ADAMTS16: variants seen among roughly 807,000 people sequenced by gnomAD.
ADAMTS16 encodes ADAM metallopeptidase with thrombospondin type 1 motif 16, also known as A disintegrin and metalloproteinase with thrombospondin motifs 16.
In ADAMTS16, 94 loss-of-function variants were observed where a neutral mutation model predicts 145.8. The observed-to-expected ratio is 0.64, with a 90% CI of 0.55 to 0.77. ADAMTS16 has a LOEUF of 0.77. Ranked by LOEUF, ADAMTS16 falls within the 30% of genes least tolerant of loss-of-function variation. ADAMTS16 has a pLI of 0.00. For missense variants in ADAMTS16, 1,585 were observed against 1,591.5 expected (o/e 1.00, Z 0.07); for synonymous variants, 659 against 604.3 (o/e 1.09, Z -1.33).
intron 8 of ADAMTS16, among the ~76,000 whole-genome samples, chr5:5,199,352 T>G (rs1475802563): frequency 6.6e-6 from 1 of 152,322 alleles, no homozygotes; most frequent in South Asian, 2.1e-4. Context: ...TAGCTTGAGA[T>G]GTACCTGTAC....
chr5:5,273,413 C>T (rs953885194), intron 18 of ADAMTS16, among the ~76,000 whole-genome samples: 2 of 152,204 alleles, frequency 1.3e-5, no homozygotes, highest in Non-Finnish European at 2.9e-5. Context: ...CTCTCAACTA[C>T]TTGGGAGGGA....
chr5:5,194,377 C>A (rs1735744009), intron 8 of ADAMTS16, among the ~76,000 whole-genome samples: 1 of 152,152 alleles, frequency 6.6e-6, no homozygotes, highest in East Asian at 1.9e-4. Context: ...CTTCATGGAG[C>A]ACTTTCTGTA....
chr5:5,219,904 C>T (rs182142779), intron 10 of ADAMTS16, among the ~76,000 whole-genome samples: 1 of 152,166 alleles, frequency 6.6e-6, no homozygotes, highest in Non-Finnish European at 1.5e-5. Flanking sequence ...AAAACTAAAA[C>T]CTAAGAATAT....
intron 8 of ADAMTS16, among the ~76,000 whole-genome samples, chr5:5,192,701 T>G (rs1390057016): frequency 6.6e-6 from 1 of 152,232 alleles, no homozygotes; most frequent in Non-Finnish European, 1.5e-5. Flanking sequence ...GGGTCATTAG[T>G]GTTTTCACCT....
Position 5,319,166 on chromosome 5 carries a change from A to T in ADAMTS16, c.*28A>T, listed in dbSNP as rs1014214293. On this transcript the variant is annotated 3_prime_UTR_variant, in exon 23 of 23. Transcript: ENST00000274181. ...TGGGACCGCTCTCCGTAGCAGAGAA[A>T]GTGCCTGCGTGGCACAGAAATTTCC... is the stretch of plus-strand genomic sequence containing the variant. The T allele has an allele frequency of 2.9e-5, 44 of 1,531,816 alleles. No homozygotes were observed. The highest frequency in any genetic ancestry group is 3.4e-5 in the Non-Finnish European group (38 of 1,115,794). The allele number at this position is 1,531,816 out of a possible 1,614,324, so 94.9% of individuals were successfully genotyped here.
chr5:5,147,864 T>C (rs1026212695), intron 3 of ADAMTS16, among the ~76,000 whole-genome samples: 29 of 152,218 alleles, frequency 1.9e-4, no homozygotes, highest in African/African-American at 6.3e-4. Flanking sequence ...TTGTGGAAAT[T>C]GGTGAGGTGC....
chr5:5,146,089 T>A, intron 2 of ADAMTS16, 41 bp from the exon 3 acceptor site: 4 of 1,543,526 alleles, frequency 2.6e-6, no homozygotes, highest in Non-Finnish European at 3.6e-6. Flanking sequence ...CTTCTCGGAA[T>A]TCCGAAATGA....
chr5:5,162,549 C>G (rs1734768456), intron 3 of ADAMTS16, among the ~76,000 whole-genome samples: 1 of 152,196 alleles, frequency 6.6e-6, no homozygotes, highest in Non-Finnish European at 1.5e-5. Flanking sequence ...TGTACAAAGT[C>G]TGTGCTTTTA....
chr5:5,250,835 T>C (rs942693645), intron 17 of ADAMTS16, among the ~76,000 whole-genome samples: 4 of 152,102 alleles, frequency 2.6e-5, no homozygotes, highest in Admixed American at 6.6e-5. Flanking sequence ...CAACAATATA[T>C]AAGATGAATC....
At chr5:5,313,545 C>T (rs1232779476) in intron 21 of ADAMTS16, among the ~76,000 whole-genome samples, 2 of 152,206 alleles carry the variant, frequency 1.3e-5, no homozygotes, top group Non-Finnish European at 2.9e-5. Flanking sequence ...CATGCAGAGA[C>T]AGGGTGTGCC....
intron 20 of ADAMTS16, among the ~76,000 whole-genome samples, chr5:5,306,087 T>C (rs1157080439): frequency 1.3e-5 from 2 of 152,224 alleles, no homozygotes; most frequent in Non-Finnish European, 2.9e-5. Flanking sequence ...AGCCCTGAGT[T>C]TCTTCTACCT....
At chr5:5,307,891 C>G (rs1295497330) in intron 21 of ADAMTS16, among the ~76,000 whole-genome samples, 1 of 152,180 alleles carries the variant, frequency 6.6e-6, no homozygotes, top group Non-Finnish European at 1.5e-5. Context: ...GCCCTCTGCT[C>G]TATATCCCCA....
chr5:5,275,255 TC>T (rs1286094453), intron 18 of ADAMTS16, among the ~76,000 whole-genome samples: 10 of 152,208 alleles, frequency 6.6e-5, no homozygotes, highest in African/African-American at 2.4e-4. Context: ...TATGGAAGCT[TC>T]AGGGTACATT....
chr5:5,266,255 G>A (rs751199801), intron 18 of ADAMTS16, among the ~76,000 whole-genome samples: 1 of 152,114 alleles, frequency 6.6e-6, no homozygotes, highest in Non-Finnish European at 1.5e-5. Flanking sequence ...ACAGGAACAA[G>A]CTACCAATGT....
chr5:5,247,068 T>C (rs1333207764), intron 17 of ADAMTS16, among the ~76,000 whole-genome samples: 1 of 152,230 alleles, frequency 6.6e-6, no homozygotes, highest in East Asian at 1.9e-4. Flanking sequence ...CTTTGGTTCC[T>C]ACTGCTCATC....
At chr5:5,248,399 C>A (rs1737523211) in intron 17 of ADAMTS16, among the ~76,000 whole-genome samples, 1 of 152,122 alleles carries the variant, frequency 6.6e-6, no homozygotes, top group South Asian at 2.1e-4. Flanking sequence ...AAACTCACCA[C>A]CCCATGGGCA....
intron 9 of ADAMTS16, among the ~76,000 whole-genome samples, chr5:5,204,638 T>C (rs1380754790): frequency 6.6e-6 from 1 of 152,248 alleles, no homozygotes; most frequent in African/African-American, 2.4e-5. Context: ...GCATATAATT[T>C]ATATACTAAA....
chr5:5,185,117 A>C (rs1328141100), intron 4 of ADAMTS16, among the ~76,000 whole-genome samples: 1 of 152,204 alleles, frequency 6.6e-6, no homozygotes, highest in Non-Finnish European at 1.5e-5. Context: ...CATTAATGGC[A>C]AATGAGTGCT....
intron 3 of ADAMTS16, among the ~76,000 whole-genome samples, chr5:5,160,526 TAGA>T (rs1284125171): frequency 6.6e-6 from 1 of 152,132 alleles, no homozygotes; most frequent in Non-Finnish European, 1.5e-5. Context: ...TATAAAAATG[TAGA>T]AGAATTATCT....
Sources: allele counts gnomAD v4.1 joint callset (sites outside exome capture counted in the v4.1 genomes callset), GRCh38; gene constraint gnomAD v4.1.1; transcripts MANE v1.5; gene names NCBI Gene and HGNC (gene_info 2026-07-23, HGNC 2026-07-21).